Variants in SUCLG1 observed in about 807,000 individuals in gnomAD.
SUCLG1 encodes the protein succinate-CoA ligase GDP/ADP-forming subunit alpha, also known as succinate--CoA ligase [ADP/GDP-forming] subunit alpha, mitochondrial.
In SUCLG1, 26 loss-of-function variants were observed where a neutral mutation model predicts 37.3. That is an observed-to-expected ratio of 0.70 (90% CI 0.51 to 0.97). The LOEUF is 0.97. Among genes scored for constraint, SUCLG1 ranks in the 50% least tolerant of loss-of-function variants. SUCLG1 has a pLI of 0.00. For synonymous variants in SUCLG1, 163 were observed against 155.6 expected (o/e 1.05, Z -0.36); for missense variants, 433 against 432.9 (o/e 1.00, Z 0.00).
chr2:84,432,028 G>A (rs1672620400), intron 6 of SUCLG1, among the ~76,000 whole-genome samples: 1 of 152,194 alleles, frequency 6.6e-6, no homozygotes, highest in Non-Finnish European at 1.5e-5. Flanking sequence ...GTTGCATGCT[G>A]ATGTTACACC....
intron 7 of SUCLG1, among the ~76,000 whole-genome samples, chr2:84,431,176 A>C (rs1672608586): frequency 6.6e-6 from 1 of 152,174 alleles, no homozygotes; most frequent in Non-Finnish European, 1.5e-5. Context: ...GATCGGGAGA[A>C]AGAATACTGG....
rs563617659 is a variant in SUCLG1 at position 84,433,307 on chromosome 2, A to G, written c.673+45T>C. ...TAATTATTATTATACTCATCCAATG[A>G]AGACACCACACTCCAATAAAATGAT... On this transcript the variant is annotated intron_variant, in intron 6 of 8. Transcript: ENST00000393868. 12 of 1,472,014 alleles carry G rather than the reference A, an allele frequency of 8.2e-6. No homozygotes were observed. In the African/African-American group the frequency reaches 1.2e-4, roughly 15 times the overall value. 91.2% of individuals were successfully genotyped at this position (1,472,014 alleles called of 1,614,324 possible). A position where few individuals can be genotyped will look rare whatever the true frequency, so the allele number is the denominator to read the frequency against.
chr2:84,453,297 G>A lies in SUCLG1; in HGVS notation c.98-3545C>T, dbSNP rs1042841339. Among the ~76,000 whole-genome samples, 3 of 151,930 alleles carry A rather than the reference G, an allele frequency of 2.0e-5. No individual in the cohort carries two copies. The South Asian group carries it at 6.2e-4, about 32-fold the overall frequency. ...CAACATGAAGAGCCAACAAAAAGTG[G>A]AGCCCAAAGCCTAAGAGAAAAACTG... On this transcript the variant is annotated intron_variant, in intron 1 of 8. Coordinates refer to ENST00000393868, the MANE Select transcript of SUCLG1 (RefSeq NM_003849.4).
At chr2:84,434,234 T>C (rs1426912797) in intron 5 of SUCLG1, among the ~76,000 whole-genome samples, 1 of 152,216 alleles carries the variant, frequency 6.6e-6, no homozygotes, top group African/African-American at 2.4e-5. Context: ...ACCCAAACTA[T>C]TAAACCATCA....
chr2:84,441,221 GTTTC>G (rs1672767550), intron 4 of SUCLG1, 22 bp downstream of exon 4: 1 of 1,613,906 alleles, frequency 6.2e-7, no homozygotes, highest in African/African-American at 1.3e-5. Context: ...CTTAATCTGA[GTTTC>G]TTTTTGTTTT....
intron 2 of SUCLG1, among the ~76,000 whole-genome samples, chr2:84,445,170 C>T (rs1214388523): frequency 2.0e-5 from 3 of 152,160 alleles, no homozygotes; most frequent in Admixed American, 2.0e-4. Flanking sequence ...AATTTATGTT[C>T]AGAGATTGCA....
At position 84,431,597 on chromosome 2, in the gene SUCLG1, C is replaced by T. The variant is rs763743761; in HGVS notation, c.736G>A (p.Asp246Asn). 3.0e-5 allele frequency: 48 copies of T among 1,613,840 alleles called. No individual in the cohort carries two copies. The Middle Eastern group carries it at 4.9e-4, about 17-fold the overall frequency. The change falls in exon 7 of 9, where the codon GAT becomes AAT. Residue 246 changes from aspartate (D) to asparagine (N), a missense_variant. Asp to Asn is a conservative substitution (Grantham distance 23). Transcript: ENST00000393868. Reference protein sequence around the residue: ...FIDCLEIFLNDSATEGIILIG... With the variant: ...FIDCLEIFLNNSATEGIILIG... ...AATATGATGCCTTCTGTGGCAGAAT[C>T]GTTCAAAAAGATTTCGAGGCAGTCA...
intron 2 of SUCLG1, 96 bp downstream of exon 2, chr2:84,449,553 A>T (rs1672904286): frequency 1.2e-6 from 1 of 858,570 alleles, no homozygotes; most frequent in Non-Finnish European, 1.8e-6. Context: ...TTTCTGCAAC[A>T]ATCATGTGTT....
chr2:84,428,135 T>C (rs1257124900), intron 7 of SUCLG1, among the ~76,000 whole-genome samples: 1 of 152,188 alleles, frequency 6.6e-6, no homozygotes, highest in Non-Finnish European at 1.5e-5. Flanking sequence ...GAGAATGCTC[T>C]CCACCCTCCT....
chr2:84,444,553 G>A (rs189549069), intron 2 of SUCLG1, among the ~76,000 whole-genome samples: 107 of 152,284 alleles, frequency 7.0e-4, no homozygotes, highest in African/African-American at 1.6e-3. Flanking sequence ...GGACCGGGGC[G>A]AAATTAAAAT....
rs59633262 is a variant in SUCLG1 at position 84,456,671 on chromosome 2, T to A, written c.97+2502A>T. On this transcript the variant is annotated intron_variant, in intron 1 of 8. Transcript: ENST00000393868. ...CTTCAACTGGATCCTTTTCCTTTTTTCTCTTTTTCTGAGACAGAGTCTCAC... is the reference window on the plus strand; with the variant it reads ...CTTCAACTGGATCCTTTTCCTTTTTACTCTTTTTCTGAGACAGAGTCTCAC... Among the ~76,000 whole-genome samples, 581 of 152,240 alleles carry A rather than the reference T, an allele frequency of 3.8e-3. 6 individuals are homozygous for A. The highest frequency in any genetic ancestry group is 0.013 in the African/African-American group (547 of 41,526).
chr2:84,438,156 TC>T (rs1238976087), intron 5 of SUCLG1, among the ~76,000 whole-genome samples: 1 of 152,228 alleles, frequency 6.6e-6, no homozygotes, highest in Non-Finnish European at 1.5e-5. Flanking sequence ...AATGTCAATA[TC>T]CTGTTTATGA....
At chr2:84,427,642 T>A (rs546874446) in intron 7 of SUCLG1, among the ~76,000 whole-genome samples, 5 of 152,346 alleles carry the variant, frequency 3.3e-5, no homozygotes, top group Non-Finnish European at 5.9e-5. Flanking sequence ...GTTCAAATGT[T>A]ATTATTAGCA....
Position 84,441,402 on chromosome 2 carries a change from C to T in SUCLG1, c.376G>A (p.Ala126Thr), listed in dbSNP as rs146102400. The T allele has an allele frequency of 1.9e-6, 3 of 1,614,062 alleles. No homozygotes were observed. The African/African-American group carries it at 4.0e-5, about 22-fold the overall frequency. ...TCAATAGCTTCATTAATGGCAGCAG[C>T]AGCAAAAGGCGGAGGAACATAAATG... ...SVIYVPPPFA[A>T]AAINEAIEAE... The change falls in exon 4 of 9, where the codon GCT becomes ACT. Residue 126 changes from alanine to threonine, a missense_variant. Ala to Thr is a moderately conservative substitution (Grantham distance 58, BLOSUM62 0). Transcript: ENST00000393868.
At chr2:84,456,726 C>T (rs547840633) in intron 1 of SUCLG1, among the ~76,000 whole-genome samples, 17 of 152,068 alleles carry the variant, frequency 1.1e-4, no homozygotes, top group Admixed American at 9.8e-4. Context: ...TACAGTGGCA[C>T]GATCTCAGCT....
Position 84,449,734 on chromosome 2 carries a change from C to T in SUCLG1, c.116G>A (p.Arg39Gln), listed in dbSNP as rs372512876. ...CCGAGAAGCTGTGTAGGAACAATGCCGAATTCCATTCTGCGGCACTAAGAG... is the reference window on the plus strand; with the variant it reads ...CCGAGAAGCTGTGTAGGAACAATGCTGAATTCCATTCTGCGGCACTAAGAG... ...RSFLLPQNGIRHCSYTASRQH... is the reference protein window; with the variant it reads ...RSFLLPQNGIQHCSYTASRQH... The change falls in exon 2 of 9, where the codon CGG becomes CAG. Residue 39 changes from arginine (R) to glutamine (Q), a missense_variant. Physicochemically the swap from Arg to Gln is conservative, Grantham distance 43 (BLOSUM62 1). Transcript: ENST00000393868. 23 of 1,535,890 alleles carry T rather than the reference C, an allele frequency of 1.5e-5. No individual in the cohort carries two copies. Among genetic ancestry groups the T allele is most frequent in the African/African-American group, 9.0e-5 (6 of 67,006 alleles).
intron 3 of SUCLG1, among the ~76,000 whole-genome samples, chr2:84,443,052 G>A (rs1428335724): frequency 1.3e-5 from 2 of 152,178 alleles, no homozygotes; most frequent in Non-Finnish European, 2.9e-5. Flanking sequence ...TAAGGAAAGC[G>A]TAAAAAGCCC....
intron 1 of SUCLG1, chr2:84,458,569 T>C (rs1005564386): frequency 2.0e-5 from 3 of 152,218 alleles, no homozygotes; most frequent in African/African-American, 7.2e-5. Context: ...AATCGCCTGG[T>C]GGAGACACTG....
intron 2 of SUCLG1, chr2:84,448,879 T>C (rs1672891301): frequency 3.1e-6 from 1 of 319,708 alleles, no homozygotes; most frequent in Non-Finnish European, 6.5e-6. Flanking sequence ...ACATATTATA[T>C]AAATATGTTT....
Sources: allele counts gnomAD v4.1 joint callset (sites outside exome capture counted in the v4.1 genomes callset), GRCh38; gene constraint gnomAD v4.1.1; transcripts MANE v1.5; gene names NCBI Gene and HGNC (gene_info 2026-07-23, HGNC 2026-07-21).